SYNPO2: variants seen among roughly 807,000 people sequenced by gnomAD.
SYNPO2 encodes synaptopodin-2.
Under a neutral mutation model 85.0 loss-of-function variants are expected in SYNPO2, and 56 were observed. The ratio of observed to expected loss-of-function variants is 0.66; its 90% CI spans 0.53 to 0.82. SYNPO2 has a LOEUF of 0.82. Among genes scored for constraint, SYNPO2 ranks in the 40% least tolerant of loss-of-function variants. The pLI is 0.00. For synonymous variants in SYNPO2, 602 were observed against 591.1 expected, an observed-to-expected ratio of 1.02 and a Z score of -0.27; for missense variants, 1,575 against 1,534.2, an observed-to-expected ratio of 1.03 and a Z score of -0.44.
intron 4 of SYNPO2, chr4:119,034,247 A>G (rs1738405956): frequency 1.0e-6 from 1 of 985,342 alleles, no homozygotes; most frequent in African/African-American, 1.7e-5. Flanking sequence ...TTCTTAACAT[A>G]GCATTTAAAG....
At chr4:119,032,483 G>C (rs1224690854) in intron 4 of SYNPO2, 2 of 1,032,938 alleles carry the variant, frequency 1.9e-6, no homozygotes, top group East Asian at 8.2e-5. Flanking sequence ...TTTAGGTAGT[G>C]CCTTATCTCT....
chr4:118,903,484 T>A (rs1447416036), intron 1 of SYNPO2, among the ~76,000 whole-genome samples: 1 of 152,132 alleles, frequency 6.6e-6, no homozygotes, highest in African/African-American at 2.4e-5. Flanking sequence ...ACTCCAGATA[T>A]ACAAATAAAA....
At chr4:118,903,661 T>C (rs1732831705) in intron 1 of SYNPO2, among the ~76,000 whole-genome samples, 1 of 152,074 alleles carries the variant, frequency 6.6e-6, no homozygotes, top group Admixed American at 6.6e-5. Context: ...GATCCTAAAA[T>C]TATGTATTTT....
intron 1 of SYNPO2, among the ~76,000 whole-genome samples, chr4:118,923,817 C>T (rs1733620144): frequency 6.7e-6 from 1 of 150,312 alleles, no homozygotes; most frequent in South Asian, 2.1e-4. Context: ...AACTCCTTCT[C>T]AGCTTCCAGA....
chr4:118,961,225 C>T (rs1164503858), intron 1 of SYNPO2, among the ~76,000 whole-genome samples: 1 of 151,654 alleles, frequency 6.6e-6, no homozygotes, highest in East Asian at 2.0e-4. Context: ...ACATCTTATA[C>T]TGCACAGAAT....
chr4:119,029,838 TCCCTAGGGCTCAG>T lies in SYNPO2; in HGVS notation c.1070-6_1076del. 6.5e-7 allele frequency: 1 copy of T among 1,531,108 alleles called. No homozygotes were observed. The highest frequency in any genetic ancestry group is 8.7e-7 in the Non-Finnish European group (1 of 1,143,340). 94.8% of individuals were successfully genotyped at this position (1,531,108 alleles called of 1,614,324 possible). ...CAATATAATTTTTTTTTTTTTGCTT[TCCCTAGGGCTCAG>T]GAGGAGTGAAAGCCTGTCAGAAAAA... On this transcript the variant is annotated splice_acceptor_variant and splice_polypyrimidine_tract_variant and coding_sequence_variant and intron_variant, in exon 4 of 5. Coordinates refer to ENST00000307142, the MANE Select transcript of SYNPO2 (RefSeq NM_133477.3). LOFTEE classifies it high-confidence loss of function.
At chr4:119,055,177 A>G (rs1164223175) in intron 4 of SYNPO2, among the ~76,000 whole-genome samples, 1 of 150,514 alleles carries the variant, frequency 6.6e-6, no homozygotes, top group African/African-American at 2.5e-5. Context: ...TTTGAGACAG[A>G]GTCTTGCTCT....
chr4:118,969,614 A>T (rs1406775098), intron 1 of SYNPO2, among the ~76,000 whole-genome samples: 1 of 152,204 alleles, frequency 6.6e-6, no homozygotes, highest in African/African-American at 2.4e-5. Context: ...GAAAATCCCA[A>T]CAATGAGGTA....
chr4:118,886,304 A>G (rs1473200302), upstream of SYNPO2, among the ~76,000 whole-genome samples: 1 of 152,196 alleles, frequency 6.6e-6, no homozygotes, highest in African/African-American at 2.4e-5. Context: ...TTTGTTACAT[A>G]GGTATACATG....
intron 1 of SYNPO2, among the ~76,000 whole-genome samples, chr4:118,963,333 C>T (rs1360555071): frequency 6.6e-6 from 1 of 152,192 alleles, no homozygotes; most frequent in Non-Finnish European, 1.5e-5. Flanking sequence ...ATAGCACATT[C>T]ATACAGGCCA....
chr4:118,978,873 A>G (rs1735894834), intron 1 of SYNPO2, among the ~76,000 whole-genome samples: 1 of 151,992 alleles, frequency 6.6e-6, no homozygotes, highest in Non-Finnish European at 1.5e-5. Context: ...CTTTTTATGT[A>G]TAGGACTCCC....
intron 4 of SYNPO2, chr4:119,037,080 T>C: frequency 1.3e-6 from 2 of 1,526,998 alleles, no homozygotes; most frequent in South Asian, 2.6e-5. Context: ...ATTCTTGACA[T>C]GTTTATCTAA....
At chr4:119,007,501 T>A (rs1737127114) in intron 1 of SYNPO2, among the ~76,000 whole-genome samples, 2 of 151,704 alleles carry the variant, frequency 1.3e-5, no homozygotes, top group African/African-American at 4.8e-5. Flanking sequence ...TAGATTTATG[T>A]CTATAAGCCT....
At chr4:119,053,741 GA>G (rs1739123250) in intron 4 of SYNPO2, among the ~76,000 whole-genome samples, 3 of 152,038 alleles carry the variant, frequency 2.0e-5, no homozygotes, top group Non-Finnish European at 4.4e-5. Flanking sequence ...GTGCATAAGA[GA>G]AACACCAAAA....
At position 118,910,848 on chromosome 4, in the gene SYNPO2, A is replaced by G. The variant is rs7690829; in HGVS notation, c.105+21707A>G. The stretch of plus-strand genomic sequence containing the variant: ...TTTTCTTTTTTACTTTTTTTTGAGA[A>G]TCATCCTTTAAAGTCCAGTTGTTTT... On this transcript the variant is annotated intron_variant, in intron 1 of 4. Transcript: ENST00000307142. Among the ~76,000 whole-genome samples, 745 of 152,168 alleles carry G rather than the reference A, an allele frequency of 4.9e-3. 7 individuals carry two copies. Among genetic ancestry groups the G allele is most frequent in the African/African-American group, 0.016 (657 of 41,540 alleles).
chr4:118,860,232 C>T (rs2110564875), intron 1 of SYNPO2, among the ~76,000 whole-genome samples: 1 of 152,176 alleles, frequency 6.6e-6, no homozygotes, highest in East Asian at 1.9e-4. Context: ...ATCTTTTGTG[C>T]ACAACCCCCC....
chr4:118,914,029 A>T (rs1342710366), intron 1 of SYNPO2, among the ~76,000 whole-genome samples: 1 of 152,046 alleles, frequency 6.6e-6, no homozygotes, highest in Non-Finnish European at 1.5e-5. Context: ...CGCCCATAGC[A>T]CCAGGGCTGA....
At chr4:118,984,769 G>A (rs1239592837) in intron 1 of SYNPO2, among the ~76,000 whole-genome samples, 2 of 152,166 alleles carry the variant, frequency 1.3e-5, no homozygotes, top group African/African-American at 2.4e-5. Context: ...GCCTGGTTTT[G>A]TAGTTATTTA....
intron 1 of SYNPO2, among the ~76,000 whole-genome samples, chr4:118,865,489 G>A (rs1310809445): frequency 6.6e-6 from 1 of 152,158 alleles, no homozygotes; most frequent in Non-Finnish European, 1.5e-5. Context: ...GATGGTGAAG[G>A]GACAATAAAA....
Sources: gnomAD v4.1 joint callset for allele counts (sites outside exome capture counted in the v4.1 genomes callset) on GRCh38, gnomAD v4.1.1 for gene constraint, MANE v1.5 for transcripts, NCBI Gene and HGNC (gene_info 2026-07-23, HGNC 2026-07-21) for gene names.